Variants in RIC3 observed in about 807,000 individuals in gnomAD.
RIC3 encodes protein RIC-3.
In RIC3, 28 loss-of-function variants were observed where a neutral mutation model predicts 27.3. That is an observed-to-expected ratio of 1.02 (90% CI 0.76 to 1.41). The LOEUF (loss-of-function observed/expected upper bound fraction) is 1.41. Among genes scored for constraint, RIC3 ranks in the 40% most tolerant of loss-of-function variants. The pLI is 0.00. For missense variants in RIC3, 501 were observed against 444.7 expected (o/e 1.13, Z -1.14); for synonymous variants, 184 against 160.4 (o/e 1.15, Z -1.11).
intron 5 of RIC3, among the ~76,000 whole-genome samples, chr11:8,124,597 G>C (rs895013322): frequency 6.6e-6 from 1 of 152,078 alleles, no homozygotes; most frequent in Admixed American, 6.5e-5. Context: ...AAAAAAATCT[G>C]AACAACTTGA....
At chr11:8,097,681 A>G in the RIC3 span, 2 of 1,568,056 alleles carry the variant, frequency 1.3e-6, no homozygotes, top group East Asian at 4.5e-5. Context: ...CCAGAGGCTG[A>G]GTCTGGAATA....
chr11:8,152,573 G>T (rs1304914640), intron 1 of RIC3, among the ~76,000 whole-genome samples: 2 of 152,182 alleles, frequency 1.3e-5, no homozygotes, highest in Non-Finnish European at 2.9e-5. Context: ...TTGGAGGGGT[G>T]CAGAGGAAGG....
At position 8,143,041 on chromosome 11, in the gene RIC3, T is replaced by G. The variant is rs12290787; in HGVS notation, c.125-2848A>C. 1.6e-3 allele frequency among the ~76,000 whole-genome samples: 178 copies of G among 107,946 alleles called. 11 individuals are homozygous for G. The highest frequency in any genetic ancestry group is 2.5e-3 in the Non-Finnish European group (142 of 57,796). 70.8% of individuals were successfully genotyped at this position (107,946 alleles called of 152,430 possible). A position where few individuals can be genotyped will look rare whatever the true frequency, so the allele number is the denominator to read the frequency against. ...TGGGACGTATTTCAAAATAATAAGA[T>G]CTATCTATGACAAACCCATAGCCAA... On this transcript the variant is annotated intron_variant, in intron 1 of 5. Coordinates refer to ENST00000309737, the MANE Select transcript of RIC3 (RefSeq NM_001206671.4).
chr11:8,096,595 G>T, the RIC3 span: 1 of 859,396 alleles, frequency 1.2e-6, no homozygotes. Context: ...AGGTGAGTCA[G>T]TGTCTGAACA....
chr11:8,161,653 A>C (rs1344494359), intron 1 of RIC3, among the ~76,000 whole-genome samples: 1 of 152,238 alleles, frequency 6.6e-6, no homozygotes, highest in African/African-American at 2.4e-5. Context: ...GTTTGCTGGA[A>C]CTTCTGGGAA....
intron 5 of RIC3, among the ~76,000 whole-genome samples, chr11:8,124,007 C>G (rs1946740980): frequency 6.7e-6 from 1 of 149,832 alleles, no homozygotes. Flanking sequence ...GGAGATCAAA[C>G]AGTGAGCCAT....
chr11:8,137,384 C>A lies in RIC3; in HGVS notation c.515G>T (p.Gly172Val). The A allele has an allele frequency of 6.2e-7, 1 of 1,613,354 alleles. No homozygotes were observed. The highest frequency in any genetic ancestry group is 8.5e-7 in the Non-Finnish European group (1 of 1,179,398). ...EKLINRVGPN[G>V]ESRAQTVTSD... ...CCGTTACATGAAAACCTACCTCTCA[C>A]CATTAGGTCCCACTCTGTTGATTAA... Residue 172 changes from glycine to valine, a missense_variant, in exon 4 of 6, where the codon GGT becomes GTT. Gly to Val is a moderately radical substitution (Grantham distance 109, BLOSUM62 -3). Transcript: ENST00000309737.
chr11:8,106,080 C>G lies in RIC3; in HGVS notation c.*4618G>C, dbSNP rs1944597310. The G allele has an allele frequency of 6.6e-6, 1 of 152,100 alleles. No individual in the cohort carries two copies. Among genetic ancestry groups the G allele is most frequent in the South Asian group, 2.1e-4 (1 of 4,824 alleles). 9.4% of individuals were successfully genotyped at this position (152,100 alleles called of 1,614,324 possible). A position where few individuals can be genotyped will look rare whatever the true frequency, so the allele number is the denominator to read the frequency against. On this transcript the variant is annotated 3_prime_UTR_variant, in exon 6 of 6. Transcript: ENST00000309737. ...ATTTGCAAAACTGTGCTTTTATTGA[C>G]TTTTTGAATAAACTTTGGTATTCTG...
chr11:8,147,692 T>TCC (rs1949837310), intron 1 of RIC3, among the ~76,000 whole-genome samples: 1 of 151,650 alleles, frequency 6.6e-6, no homozygotes, highest in Non-Finnish European at 1.5e-5. Flanking sequence ...AGGGTGTGCC[T>TCC]CCCTAGGCCT....
At chr11:8,130,871 C>T (rs1013155099) in intron 4 of RIC3, among the ~76,000 whole-genome samples, 2 of 151,976 alleles carry the variant, frequency 1.3e-5, no homozygotes, top group African/African-American at 4.8e-5. Context: ...GTGGCTGGAC[C>T]ACAGAGAGAG....
chr11:8,130,432 T>G (rs1947551514), intron 4 of RIC3, among the ~76,000 whole-genome samples: 2 of 152,190 alleles, frequency 1.3e-5, no homozygotes, highest in African/African-American at 2.4e-5. Context: ...TCCTGAAACC[T>G]GCATGTTCAG....
chr11:8,138,701 G>C (rs1055538326), intron 2 of RIC3: 1 of 242,844 alleles, frequency 4.1e-6, no homozygotes. Flanking sequence ...ACTGTTCTTA[G>C]CTCCCACAGT....
chr11:8,119,824 A>G (rs1399737601), intron 5 of RIC3, among the ~76,000 whole-genome samples: 3 of 152,220 alleles, frequency 2.0e-5, no homozygotes, highest in South Asian at 2.1e-4. Context: ...TCTAGAATCT[A>G]CAAAAAACTC....
chr11:8,106,007 T>C (rs1234407131), downstream of RIC3: 1 of 151,794 alleles, frequency 6.6e-6, no homozygotes, highest in African/African-American at 2.4e-5. Flanking sequence ...TATTTTGGAG[T>C]GGTCAGACAT....
intron 1 of RIC3, among the ~76,000 whole-genome samples, chr11:8,140,653 A>G (rs1002285071): frequency 6.6e-6 from 1 of 152,230 alleles, no homozygotes; most frequent in African/African-American, 2.4e-5. Flanking sequence ...ATAATTATGT[A>G]GTGCAGAGCC....
downstream of RIC3, chr11:8,101,337 C>T (rs1944292688): frequency 4.7e-6 from 5 of 1,053,764 alleles, no homozygotes; most frequent in East Asian, 2.4e-5. Context: ...TCCCAATTGG[C>T]CTTTGTTTTA....
chr11:8,143,232 C>T (rs1417556425), intron 1 of RIC3, among the ~76,000 whole-genome samples: 4 of 151,398 alleles, frequency 2.6e-5, no homozygotes, highest in Non-Finnish European at 5.9e-5. Flanking sequence ...AAGAGGAAGT[C>T]AAATTGTCTC....
intron 5 of RIC3, among the ~76,000 whole-genome samples, chr11:8,121,361 T>C (rs558504470): frequency 6.6e-6 from 1 of 152,330 alleles, no homozygotes; most frequent in Admixed American, 6.5e-5. Flanking sequence ...TTTCTCTTTG[T>C]GAACTGCTTA....
At chr11:8,151,378 G>T (rs1950205911) in intron 1 of RIC3, among the ~76,000 whole-genome samples, 1 of 151,410 alleles carries the variant, frequency 6.6e-6, no homozygotes, top group African/African-American at 2.4e-5. Flanking sequence ...ACGAGGTCAG[G>T]AGATCGAGAC....
Sources: gnomAD v4.1 joint callset for allele counts (sites outside exome capture counted in the v4.1 genomes callset) on GRCh38, gnomAD v4.1.1 for gene constraint, MANE v1.5 for transcripts, NCBI Gene and HGNC (gene_info 2026-07-23, HGNC 2026-07-21) for gene names.